Variants in RARB observed in about 807,000 individuals in gnomAD.
The protein encoded by RARB is retinoic acid receptor beta.
RARB carries 17 observed loss-of-function variants against 51.9 expected under a neutral mutation model. The observed-to-expected ratio is 0.33, with a 90% CI of 0.22 to 0.49. The LOEUF (loss-of-function observed/expected upper bound fraction) is 0.49. RARB is among the 20% of genes least tolerant of loss of function. The probability of loss-of-function intolerance (pLI) is 0.99; values close to 1 mark genes in which losing one functional copy is unlikely to be tolerated. For synonymous variants in RARB, 215 were observed against 195.4 expected (o/e 1.10, Z -0.84); for missense variants, 369 against 550.8 (o/e 0.67, Z 3.30).
intron 5 of RARB, among the ~76,000 whole-genome samples, chr3:25,264,302 C>A (rs1703075542): frequency 6.6e-6 from 1 of 152,158 alleles, no homozygotes; most frequent in East Asian, 1.9e-4. Context: ...CTTCAAGAAC[C>A]CTGGGGTGAA....
intron 5 of RARB, among the ~76,000 whole-genome samples, chr3:25,217,704 T>C (rs1004293645): frequency 3.9e-5 from 6 of 152,204 alleles, no homozygotes; most frequent in African/African-American, 1.2e-4. Flanking sequence ...GTAATAACTT[T>C]TGTTCTTCGC....
At chr3:25,418,129 C>T (rs1170138191) in intron 5 of RARB, among the ~76,000 whole-genome samples, 1 of 152,172 alleles carries the variant, frequency 6.6e-6, no homozygotes, top group Non-Finnish European at 1.5e-5. Context: ...AACATGGCCA[C>T]ACCTAGCTGC....
chr3:25,083,622 C>T (rs918963704), intron 3 of RARB, among the ~76,000 whole-genome samples: 11 of 152,056 alleles, frequency 7.2e-5, no homozygotes, highest in African/African-American at 2.7e-4. Context: ...ACGTTTCTGT[C>T]ATGTCTGGGT....
intron 5 of RARB, among the ~76,000 whole-genome samples, chr3:25,356,673 T>C (rs1216973632): frequency 1.3e-5 from 2 of 151,986 alleles, no homozygotes; most frequent in African/African-American, 2.4e-5. Flanking sequence ...TTGCCCCCCA[T>C]TCCCTGACAG....
upstream of RARB, among the ~76,000 whole-genome samples, chr3:25,426,637 C>T (rs368661280): frequency 4.6e-5 from 7 of 152,350 alleles, no homozygotes; most frequent in South Asian, 4.1e-4. Context: ...CAAGGAGACT[C>T]TCCCTCCCTG....
chr3:25,190,983 G>A (rs184763397), intron 5 of RARB, among the ~76,000 whole-genome samples: 17 of 151,938 alleles, frequency 1.1e-4, no homozygotes, highest in East Asian at 3.9e-4. Context: ...TGGGGGCCTC[G>A]CCCATCATCT....
chr3:25,112,630 T>C (rs967875517), intron 3 of RARB, among the ~76,000 whole-genome samples: 1 of 151,800 alleles, frequency 6.6e-6, no homozygotes, highest in African/African-American at 2.4e-5. Flanking sequence ...TAAAAAAAAT[T>C]AGTTGAGCAT....
intron 5 of RARB, among the ~76,000 whole-genome samples, chr3:25,194,375 T>C (rs1701179079): frequency 6.6e-6 from 1 of 151,544 alleles, no homozygotes; most frequent in South Asian, 2.1e-4. Context: ...AGACTTTAGG[T>C]GCTTTTACCA....
In RARB at chr3:25,304,361, C is replaced by T. The variant is rs143668058; in HGVS notation, c.178+129786C>T. ...TGCTTAGAATGCCCTGTAAGATCCC[C>T]TCCACTTGCTGATGATCCCAAATCT... On this transcript the variant is annotated intron_variant, in intron 5 of 11. Transcript: ENST00000383772. Among the ~76,000 whole-genome samples the T allele has an allele frequency of 5.4e-3, 823 of 152,322 alleles. 5 individuals are homozygous for T. Among genetic ancestry groups the T allele is most frequent in the Non-Finnish European group, 8.4e-3 (573 of 68,036 alleles).
At chr3:24,907,794 T>C (rs1437055365) in intron 2 of RARB, among the ~76,000 whole-genome samples, 1 of 152,180 alleles carries the variant, frequency 6.6e-6, no homozygotes, top group Non-Finnish European at 1.5e-5. Flanking sequence ...GATTTGTTTT[T>C]AGCAGCATTT....
intron 4 of RARB, among the ~76,000 whole-genome samples, chr3:25,163,640 T>G (rs1260431874): frequency 6.6e-6 from 1 of 151,776 alleles, no homozygotes; most frequent in East Asian, 1.9e-4. Flanking sequence ...TAATAATATT[T>G]GCATGGCCCT....
chr3:24,981,157 G>A (rs895137200), intron 2 of RARB, among the ~76,000 whole-genome samples: 2 of 152,100 alleles, frequency 1.3e-5, no homozygotes, highest in African/African-American at 4.8e-5. Flanking sequence ...CCCAGAGAGG[G>A]ACCCATCTGT....
chr3:25,453,459 C>T (rs1182131443), intron 1 of RARB, among the ~76,000 whole-genome samples: 2 of 151,916 alleles, frequency 1.3e-5, no homozygotes, highest in Non-Finnish European at 2.9e-5. Flanking sequence ...GTTGGTCAGG[C>T]TGGTCTTGAA....
chr3:25,511,777 C>T (rs1559443780), intron 3 of RARB, among the ~76,000 whole-genome samples: 1 of 152,180 alleles, frequency 6.6e-6, no homozygotes, highest in Non-Finnish European at 1.5e-5. Flanking sequence ...GCTAACCCTT[C>T]CTCACATGCT....
intron 5 of RARB, among the ~76,000 whole-genome samples, chr3:25,255,790 A>G (rs1224325245): frequency 6.6e-6 from 1 of 152,118 alleles, no homozygotes; most frequent in Non-Finnish European, 1.5e-5. Flanking sequence ...TAATTTTTGA[A>G]AACAATAGTT....
chr3:25,261,756 C>G (rs1703003107), intron 5 of RARB, among the ~76,000 whole-genome samples: 1 of 152,144 alleles, frequency 6.6e-6, no homozygotes, highest in Non-Finnish European at 1.5e-5. Context: ...GTCACCTACT[C>G]TAGAAATGCA....
At chr3:24,939,123 C>T (rs1026944696) in intron 2 of RARB, among the ~76,000 whole-genome samples, 1 of 152,108 alleles carries the variant, frequency 6.6e-6, no homozygotes, top group Admixed American at 6.6e-5. Context: ...GCTAGGATTA[C>T]AGGCGTGCAC....
intron 2 of RARB, among the ~76,000 whole-genome samples, chr3:25,480,141 T>G (rs1026025144): frequency 6.6e-6 from 1 of 152,224 alleles, no homozygotes; most frequent in Non-Finnish European, 1.5e-5. Flanking sequence ...TCACATAGCC[T>G]GGGTTCAAAT....
At chr3:25,504,830 T>A (rs1697500844) in intron 3 of RARB, among the ~76,000 whole-genome samples, 1 of 145,604 alleles carries the variant, frequency 6.9e-6, no homozygotes, top group African/African-American at 2.6e-5. Flanking sequence ...TGATCTCAGC[T>A]CCCTGCAACC....
Sources: gnomAD v4.1 joint callset for allele counts (sites outside exome capture counted in the v4.1 genomes callset) on GRCh38, gnomAD v4.1.1 for gene constraint, MANE v1.5 for transcripts, NCBI Gene and HGNC (gene_info 2026-07-23, HGNC 2026-07-21) for gene names.